DCAF6: variants seen among roughly 807,000 people sequenced by gnomAD.
DCAF6 encodes DDB1 and CUL4 associated factor 6, also known as DDB1- and CUL4-associated factor 6.
A neutral mutation model predicts 125.1 loss-of-function variants in DCAF6; 54 were observed. The observed-to-expected ratio is 0.43, with a 90% CI of 0.35 to 0.54. The LOEUF (loss-of-function observed/expected upper bound fraction) is 0.54, where lower values mean the gene tolerates loss of function less well. Ranked by LOEUF, DCAF6 falls within the 20% of genes least tolerant of loss-of-function variation. DCAF6 has a pLI of 0.01. For synonymous variants in DCAF6, 371 were observed against 390.4 expected, an observed-to-expected ratio of 0.95 and a Z score of 0.58; for missense variants, 934 against 1,161.7, an observed-to-expected ratio of 0.80 and a Z score of 2.85.
chr1:167,952,917 T>G (rs533658220), intron 2 of DCAF6, among the ~76,000 whole-genome samples: 6 of 152,354 alleles, frequency 3.9e-5, no homozygotes, highest in Non-Finnish European at 7.3e-5. Flanking sequence ...GACTTAGTAA[T>G]TATCAAGATT....
the DCAF6 span, among the ~76,000 whole-genome samples, chr1:167,906,819 G>A: frequency 6.6e-6 from 1 of 151,626 alleles, no homozygotes; most frequent in African/African-American, 2.4e-5. Flanking sequence ...TAAAAAGAAA[G>A]GTACAAGAAA....
chr1:167,898,897 G>A, the DCAF6 span, among the ~76,000 whole-genome samples: 2 of 152,040 alleles, frequency 1.3e-5, no homozygotes, highest in African/African-American at 4.8e-5. Flanking sequence ...CCATATCCCA[G>A]GGACAGTTCT....
At chr1:167,933,131 T>C (rs1557857261), upstream of DCAF6, among the ~76,000 whole-genome samples, 2 of 151,518 alleles carry the variant, frequency 1.3e-5, no homozygotes, top group African/African-American at 4.8e-5. Context: ...GATGCAATAC[T>C]GTAACTAAAA....
intron 17 of DCAF6, among the ~76,000 whole-genome samples, chr1:168,052,324 C>T (rs1365771352): frequency 6.6e-6 from 1 of 152,072 alleles, no homozygotes; most frequent in East Asian, 1.9e-4. Flanking sequence ...CTATAAAGTA[C>T]CATGATGCTT....
At chr1:168,066,102 GTCT>G (rs1692293752) in intron 19 of DCAF6, among the ~76,000 whole-genome samples, 1 of 152,034 alleles carries the variant, frequency 6.6e-6, no homozygotes, top group Non-Finnish European at 1.5e-5. Context: ...AGCATTGCTC[GTCT>G]TCTTTTTGAA....
intron 11 of DCAF6, 116 bp from the exon 12 acceptor site, chr1:168,022,872 A>T: frequency 2.3e-6 from 2 of 882,902 alleles, no homozygotes; most frequent in Non-Finnish European, 3.7e-6. Context: ...ACACCACAGT[A>T]CTTACTTCTA....
intron 3 of DCAF6, among the ~76,000 whole-genome samples, chr1:167,969,571 T>G (rs1676983249): frequency 6.6e-6 from 1 of 152,210 alleles, no homozygotes; most frequent in Non-Finnish European, 1.5e-5. Context: ...TTATTTCTTG[T>G]TTTTCCACAC....
In DCAF6 at chr1:168,033,089, G is replaced by A. The variant is rs146521475; in HGVS notation, c.1610-5282G>A. Among the ~76,000 whole-genome samples the A allele has an allele frequency of 7.8e-4, 118 of 151,466 alleles. 3 individuals are homozygous for A. In the South Asian group the frequency reaches 0.018, roughly 23 times the overall value. On this transcript the variant is annotated intron_variant, in intron 12 of 21. Coordinates refer to ENST00000367840, the MANE Select transcript of DCAF6 (RefSeq NM_001198956.2). ...TTTAGAACCTCATGATTATAATTTC[G>A]TAGTGGAAATGTACAGATTAAATCA...
chr1:168,025,204 T>C (rs1686186632), intron 12 of DCAF6, among the ~76,000 whole-genome samples: 1 of 152,178 alleles, frequency 6.6e-6, no homozygotes, highest in Non-Finnish European at 1.5e-5. Context: ...TTACATTTAA[T>C]ATTATATTCA....
chr1:168,068,656 G>A (rs778505600), intron 21 of DCAF6, among the ~76,000 whole-genome samples, 193 bp downstream of exon 21: 9 of 152,004 alleles, frequency 5.9e-5, no homozygotes, highest in Admixed American at 3.9e-4. Context: ...TACATTTGTC[G>A]TAAAATGGTC....
intron 3 of DCAF6, among the ~76,000 whole-genome samples, chr1:167,968,311 A>G (rs1676755985): frequency 6.6e-6 from 1 of 152,148 alleles, no homozygotes; most frequent in South Asian, 2.1e-4. Context: ...AACCGCCACT[A>G]ACCCTGGGAC....
At chr1:167,905,043 C>G in the DCAF6 span, 4 of 1,614,192 alleles carry the variant, frequency 2.5e-6, no homozygotes, top group East Asian at 2.2e-5. Context: ...CATAAAGGGT[C>G]GCTCTGGGGA....
At chr1:167,943,032 G>A (rs914917145) in intron 1 of DCAF6, among the ~76,000 whole-genome samples, 31 of 151,912 alleles carry the variant, frequency 2.0e-4, no homozygotes, top group African/African-American at 7.2e-4. Flanking sequence ...TCAGCCTCCC[G>A]AGTAGCTGGG....
At chr1:167,991,786 C>T (rs958711944) in intron 6 of DCAF6, among the ~76,000 whole-genome samples, 3 of 152,156 alleles carry the variant, frequency 2.0e-5, no homozygotes, top group Non-Finnish European at 4.4e-5. Context: ...ACTCTCTTTA[C>T]ATGCAATTTT....
chr1:167,950,556 G>A (rs1199881752), intron 1 of DCAF6, among the ~76,000 whole-genome samples: 1 of 152,024 alleles, frequency 6.6e-6, no homozygotes, highest in African/African-American at 2.4e-5. Flanking sequence ...TAAATAACAT[G>A]GAGAAAGAAG....
At chr1:167,965,499 C>A (rs1676263929) in intron 2 of DCAF6, among the ~76,000 whole-genome samples, 1 of 152,144 alleles carries the variant, frequency 6.6e-6, no homozygotes, top group Non-Finnish European at 1.5e-5. Context: ...CTTTTTCCCT[C>A]CCTCTGCTGG....
intron 15 of DCAF6, 114 bp from the exon 16 acceptor site, chr1:168,044,786 C>A: frequency 7.1e-7 from 1 of 1,417,190 alleles, no homozygotes; most frequent in South Asian, 1.3e-5. Context: ...GTTTCCTCCC[C>A]TTATAGAGGA....
chr1:167,972,398 G>A (rs1677471960), intron 3 of DCAF6, among the ~76,000 whole-genome samples: 1 of 152,168 alleles, frequency 6.6e-6, no homozygotes, highest in Non-Finnish European at 1.5e-5. Flanking sequence ...TCAAATGATA[G>A]GAATCAGATA....
the DCAF6 span, among the ~76,000 whole-genome samples, chr1:167,874,176 T>A: frequency 6.6e-6 from 1 of 151,822 alleles, no homozygotes; most frequent in East Asian, 1.9e-4. Context: ...CACTAAAATA[T>A]AAAAATTAGC....
Sources: gnomAD v4.1 joint callset for allele counts (sites outside exome capture counted in the v4.1 genomes callset) on GRCh38, gnomAD v4.1.1 for gene constraint, MANE v1.5 for transcripts, NCBI Gene and HGNC (gene_info 2026-07-23, HGNC 2026-07-21) for gene names.